EBPL: variants seen among roughly 807,000 people sequenced by gnomAD.
The protein encoded by EBPL is EBP like, also known as emopamil-binding protein-like.
In EBPL, 20 loss-of-function variants were observed where a neutral mutation model predicts 19.0. The ratio of observed to expected loss-of-function variants is 1.05; its 90% CI spans 0.74 to 1.53. The LOEUF (loss-of-function observed/expected upper bound fraction) is 1.53, where lower values mean the gene tolerates loss of function less well. Ranked by LOEUF, EBPL falls within the 40% of genes most tolerant of loss-of-function variation. The pLI is 0.00. For synonymous variants in EBPL, 107 were observed against 117.0 expected, an observed-to-expected ratio of 0.91 and a Z score of 0.55; for missense variants, 219 against 261.1, an observed-to-expected ratio of 0.84 and a Z score of 1.11.
chr13:49,676,146 A>G (rs1159736075), intron 1 of EBPL, among the ~76,000 whole-genome samples: 4 of 152,244 alleles, frequency 2.6e-5, no homozygotes, highest in East Asian at 3.8e-4. Flanking sequence ...AGATGAACCA[A>G]TAATTCTCAA....
chr13:49,675,816 C>T (rs939653753), intron 1 of EBPL, among the ~76,000 whole-genome samples: 1 of 152,010 alleles, frequency 6.6e-6, no homozygotes, highest in Admixed American at 6.5e-5. Flanking sequence ...ACCAACAGTG[C>T]ACCACAGTTC....
intron 2 of EBPL, 42 bp downstream of exon 2, chr13:49,669,735 C>A (rs756243767): frequency 1.3e-6 from 2 of 1,562,636 alleles, no homozygotes; most frequent in South Asian, 1.1e-5. Context: ...TTGCAATAAA[C>A]CTCCTCCAAC....
In EBPL at chr13:49,663,244, C is replaced by T. The variant is rs576964816; in HGVS notation, c.242-49G>A. ...ACTCAAATGGCAACAATTTTTATGACAGTTCATGGAAATGACCTTTCTTTC... is the reference window on the plus strand; with the variant it reads ...ACTCAAATGGCAACAATTTTTATGATAGTTCATGGAAATGACCTTTCTTTC... On this transcript the variant is annotated intron_variant, in intron 2 of 3. Transcript: ENST00000242827. 4 of 1,605,316 alleles carry T rather than the reference C, an allele frequency of 2.5e-6. No homozygotes were observed. The Admixed American group carries it at 5.0e-5, about 20-fold the overall frequency.
At chr13:49,668,671 T>TAA (rs144094067) in intron 2 of EBPL, 120 of 361,502 alleles carry the variant, frequency 3.3e-4, no homozygotes, top group East Asian at 2.8e-3. Context: ...TATAAAGTGG[T>TAA]AAAAAAAAAT....
chr13:49,676,989 T>C (rs118007507), intron 1 of EBPL, among the ~76,000 whole-genome samples: 1,551 of 152,240 alleles, frequency 0.01, 16 homozygotes, highest in Non-Finnish European at 0.013. Context: ...ACATTCAGTA[T>C]ATTAAAAAAA....
chr13:49,688,158 C>T (rs1052261538), intron 1 of EBPL, among the ~76,000 whole-genome samples: 3 of 152,318 alleles, frequency 2.0e-5, no homozygotes, highest in African/African-American at 2.4e-5. Context: ...CTGCCCACAG[C>T]GACCTCAGAA....
intron 3 of EBPL, among the ~76,000 whole-genome samples, chr13:49,662,457 A>G (rs1332589743): frequency 6.6e-6 from 1 of 152,204 alleles, no homozygotes; most frequent in Non-Finnish European, 1.5e-5. Context: ...TGGACGTATT[A>G]TGGTTTTATT....
intron 1 of EBPL, among the ~76,000 whole-genome samples, chr13:49,674,933 TCTAAAA>T (rs1359822214): frequency 6.6e-6 from 1 of 152,162 alleles, no homozygotes; most frequent in East Asian, 1.9e-4. Context: ...CTCTTCATCT[TCTAAAA>T]CTAAAACAAT....
intron 1 of EBPL, among the ~76,000 whole-genome samples, chr13:49,690,946 G>T (rs529194410): frequency 6.6e-6 from 1 of 152,294 alleles, no homozygotes; most frequent in South Asian, 2.1e-4. Context: ...CAGTTCAACA[G>T]TTACGTGCAG....
intron 1 of EBPL, among the ~76,000 whole-genome samples, chr13:49,672,302 G>C (rs1266561724): frequency 1.3e-5 from 2 of 152,228 alleles, no homozygotes; most frequent in African/African-American, 2.4e-5. Flanking sequence ...TAAATGTAAA[G>C]ATAGTATAAT....
intron 1 of EBPL, among the ~76,000 whole-genome samples, chr13:49,689,191 C>G (rs1285464449): frequency 6.6e-6 from 1 of 152,148 alleles, no homozygotes; most frequent in East Asian, 1.9e-4. Flanking sequence ...CAGTGGACTA[C>G]TTTGCAGCTG....
At chr13:49,690,103 T>C (rs961140021) in intron 1 of EBPL, among the ~76,000 whole-genome samples, 41 of 142,728 alleles carry the variant, frequency 2.9e-4, no homozygotes, top group African/African-American at 9.7e-4. Context: ...TGAGCCGAGA[T>C]AGTGCCACTA....
chr13:49,671,810 T>C (rs1953819553), intron 1 of EBPL, among the ~76,000 whole-genome samples: 1 of 152,230 alleles, frequency 6.6e-6, no homozygotes, highest in South Asian at 2.1e-4. Flanking sequence ...ATTAGTAAGA[T>C]GTGGAGTCTG....
chr13:49,685,718 C>A (rs1172161177), intron 1 of EBPL, among the ~76,000 whole-genome samples: 1 of 152,052 alleles, frequency 6.6e-6, no homozygotes, highest in Non-Finnish European at 1.5e-5. Context: ...ACTAAAAATA[C>A]AAAAATTAGC....
rs1954062062 is a variant in EBPL at position 49,691,312 on chromosome 13, G to A, written c.113C>T (p.Ala38Val). ...CCAGATGAGCGCCCCGCGGTCCGCC[G>A]CCCCCTGCCCGCGGCCCAGGCGCAG... Reference protein sequence around the residue: ...LGLRLGRGQGAADRGALIWLC... With the variant: ...LGLRLGRGQGVADRGALIWLC... The change falls in exon 1 of 4, where the codon GCG (alanine) becomes GTG (valine). Residue 38 changes from alanine (A) to valine (V), a missense_variant. Physicochemically the swap from Ala to Val is moderately conservative, Grantham distance 64. This residue lies in a region of EBPL where 170 missense variants were observed against 167.0 expected (regional missense o/e 1.02). Coordinates refer to ENST00000242827, the MANE Select transcript of EBPL (RefSeq NM_032565.5). 4 of 1,363,450 alleles carry A rather than the reference G, an allele frequency of 2.9e-6. No individual in the cohort carries two copies. The Admixed American group carries it at 9.5e-5, about 32-fold the overall frequency. 84.5% of individuals were successfully genotyped at this position (1,363,450 alleles called of 1,614,324 possible).
Position 49,691,438 on chromosome 13 carries a change from G to A in EBPL, c.-14C>T. ...CTCAGCGCCCATGCTTCAGGCTTCC[G>A]ACGCCAACGGCCCAGGACCATGCGG... On this transcript the variant is annotated 5_prime_UTR_variant, in exon 1 of 4. Coordinates refer to ENST00000242827, the MANE Select transcript of EBPL (RefSeq NM_032565.5). The A allele has an allele frequency of 7.5e-7, 1 of 1,332,232 alleles. No individual in the cohort carries two copies. Among genetic ancestry groups the A allele is most frequent in the South Asian group, 2.7e-5 (1 of 37,610 alleles). 82.5% of individuals were successfully genotyped at this position (1,332,232 alleles called of 1,614,324 possible). A position where few individuals can be genotyped will look rare whatever the true frequency, so the allele number is the denominator to read the frequency against.
At chr13:49,664,432 G>C (rs542470837) in intron 2 of EBPL, among the ~76,000 whole-genome samples, 3 of 152,092 alleles carry the variant, frequency 2.0e-5, no homozygotes, top group African/African-American at 7.2e-5. Context: ...TGCTGCTTGG[G>C]GAGCCAGTGT....
At chr13:49,690,809 T>C (rs1594420829) in intron 1 of EBPL, among the ~76,000 whole-genome samples, 1 of 152,112 alleles carries the variant, frequency 6.6e-6, no homozygotes, top group Non-Finnish European at 1.5e-5. Flanking sequence ...TAGACACGGG[T>C]GTTTCGTTTG....
At chr13:49,673,008 G>A (rs1027501791) in intron 1 of EBPL, among the ~76,000 whole-genome samples, 2 of 152,210 alleles carry the variant, frequency 1.3e-5, no homozygotes, top group Admixed American at 6.5e-5. Flanking sequence ...GCAGTGAGCC[G>A]TGATTGTGCC....
Sources: gnomAD v4.1 joint callset for allele counts (sites outside exome capture counted in the v4.1 genomes callset) on GRCh38, gnomAD v4.1.1 for gene constraint, gnomAD v4.1.1 regional missense constraint, MANE v1.5 for transcripts, NCBI Gene and HGNC (gene_info 2026-07-23, HGNC 2026-07-21) for gene names.